CNTN3: variants seen among roughly 807,000 people sequenced by gnomAD.
CNTN3 encodes the protein contactin 3.
In CNTN3, 60 loss-of-function variants were observed where a neutral mutation model predicts 119.1. The ratio of observed to expected loss-of-function variants is 0.50; its 90% CI spans 0.41 to 0.62. The LOEUF (loss-of-function observed/expected upper bound fraction) is 0.62, where lower values mean the gene tolerates loss of function less well. Ranked by LOEUF, CNTN3 falls within the 20% of genes least tolerant of loss-of-function variation. The pLI is 0.00. For missense variants in CNTN3, 1,101 were observed against 1,242.4 expected, an observed-to-expected ratio of 0.89 and a Z score of 1.71; for synonymous variants, 450 against 438.7, an observed-to-expected ratio of 1.03 and a Z score of -0.32.
At chr3:74,454,795 T>A (rs534371639) in intron 4 of CNTN3, among the ~76,000 whole-genome samples, 23 of 152,248 alleles carry the variant, frequency 1.5e-4, no homozygotes, top group African/African-American at 5.3e-4. Flanking sequence ...GGATATGAAA[T>A]TCTGGGTTGA....
At chr3:74,341,009 C>G (rs996220567) in intron 11 of CNTN3, among the ~76,000 whole-genome samples, 26 of 152,124 alleles carry the variant, frequency 1.7e-4, no homozygotes, top group African/African-American at 6.3e-4. Context: ...AAGCAAACTT[C>G]AAGTCAAGCA....
chr3:74,606,870 A>T (rs1028201745), intron 1 of CNTN3, among the ~76,000 whole-genome samples: 1 of 152,164 alleles, frequency 6.6e-6, no homozygotes, highest in Admixed American at 6.5e-5. Context: ...ACTTAATTTC[A>T]CAGGGCAACT....
chr3:74,547,706 C>T (rs1399104120), intron 1 of CNTN3, among the ~76,000 whole-genome samples: 6 of 152,106 alleles, frequency 3.9e-5, no homozygotes, highest in Non-Finnish European at 8.8e-5. Flanking sequence ...TATTTGTACA[C>T]TATAGATATT....
rs903081145 is a variant in CNTN3 at position 74,522,421 on chromosome 3, T to C, written c.-80-1229A>G. Among the ~76,000 whole-genome samples the C allele has an allele frequency of 2.6e-5, 4 of 152,022 alleles. No individual in the cohort carries two copies. The East Asian group carries it at 7.8e-4, about 30-fold the overall frequency. The stretch of plus-strand genomic sequence containing the variant: ...CAGTAGTAACATTGACCTTTAACCT[T>C]CACTCAATATCCCCACTGCTGCAAA... On this transcript the variant is annotated intron_variant, in intron 1 of 22. Coordinates refer to ENST00000263665, the MANE Select transcript of CNTN3 (RefSeq NM_020872.3).
chr3:74,366,548 C>T (rs1704191793), intron 8 of CNTN3, among the ~76,000 whole-genome samples: 1 of 151,752 alleles, frequency 6.6e-6, no homozygotes, highest in Non-Finnish European at 1.5e-5. Flanking sequence ...TTGCATTATG[C>T]ATGTGATGTG....
At position 74,581,561 on chromosome 3, in the gene CNTN3, T is replaced by C. The variant is rs987912287; in HGVS notation, c.-81+32830A>G. On this transcript the variant is annotated intron_variant, in intron 1 of 22. Transcript: ENST00000263665. ...TGTCCATTCTCCCTAAATTGCCTTA[T>C]AGTTTCAATTCAATTCATTTCGAAC... is the stretch of plus-strand genomic sequence containing the variant. Among the ~76,000 whole-genome samples the C allele has an allele frequency of 5.9e-5, 9 of 152,310 alleles. No individual in the cohort carries two copies. In the South Asian group the frequency reaches 1.2e-3, roughly 21 times the overall value.
chr3:74,270,130 C>T (rs1255916355), intron 20 of CNTN3, among the ~76,000 whole-genome samples: 3 of 152,142 alleles, frequency 2.0e-5, no homozygotes, highest in African/African-American at 4.8e-5. Context: ...GAGGATTATG[C>T]TTCTCTGCCT....
At chr3:74,604,772 C>T (rs1704965431) in intron 1 of CNTN3, among the ~76,000 whole-genome samples, 1 of 151,958 alleles carries the variant, frequency 6.6e-6, no homozygotes. Flanking sequence ...AATATAACTA[C>T]CATAGGAACT....
intron 5 of CNTN3, among the ~76,000 whole-genome samples, chr3:74,417,963 T>C (rs1701551236): frequency 6.6e-6 from 1 of 152,174 alleles, no homozygotes; most frequent in South Asian, 2.1e-4. Context: ...ATAGGAGCAA[T>C]AAATAAGCAG....
chr3:74,492,071 C>T (rs1183631262), intron 3 of CNTN3, among the ~76,000 whole-genome samples: 1 of 152,172 alleles, frequency 6.6e-6, no homozygotes, highest in African/African-American at 2.4e-5. Flanking sequence ...AGATTAAACA[C>T]TGTTGCATAA....
chr3:74,532,288 A>C (rs1703704111), intron 1 of CNTN3, among the ~76,000 whole-genome samples: 1 of 151,920 alleles, frequency 6.6e-6, no homozygotes, highest in South Asian at 2.1e-4. Flanking sequence ...GCCATGATTA[A>C]TGGTTTTCAG....
rs142679921 is a variant in CNTN3, at chr3:74,611,504, T to C, written c.-81+2887A>G. On this transcript the variant is annotated intron_variant, in intron 1 of 22. Coordinates refer to ENST00000263665, the MANE Select transcript of CNTN3 (RefSeq NM_020872.3). ...GATGAGTGCAGGGGAGACTATAAGA[T>C]AAAAACCATTTACAACACTCGATCC... Among the ~76,000 whole-genome samples, 575 of 152,272 alleles carry C rather than the reference T, an allele frequency of 3.8e-3. 18 individuals carry two copies. Among genetic ancestry groups the C allele is most frequent in the Admixed American group, 0.029 (445 of 15,296 alleles).
intron 13 of CNTN3, among the ~76,000 whole-genome samples, chr3:74,306,147 T>C (rs927655899): frequency 2.0e-5 from 3 of 150,856 alleles, no homozygotes; most frequent in Non-Finnish European, 4.4e-5. Context: ...CCCCATCAAT[T>C]TGTCATTGTT....
intron 1 of CNTN3, among the ~76,000 whole-genome samples, chr3:74,606,190 G>A (rs1345176): frequency 0.22 from 33,545 of 151,958 alleles, 6,229 homozygotes; most frequent in African/African-American, 0.5. Context: ...AGAGGGAGAC[G>A]GATACAGAGA....
intron 1 of CNTN3, among the ~76,000 whole-genome samples, chr3:74,578,750 A>G (rs1197713849): frequency 6.6e-6 from 1 of 152,124 alleles, no homozygotes; most frequent in Non-Finnish European, 1.5e-5. Flanking sequence ...AACCCTGTGA[A>G]TTCGTCCCTT....
At chr3:74,473,182 GAA>G (rs899761495) in intron 4 of CNTN3, among the ~76,000 whole-genome samples, 1 of 138,618 alleles carries the variant, frequency 7.2e-6, no homozygotes, top group Admixed American at 7.2e-5. Context: ...ACAGAAAAGC[GAA>G]AAAAAAAAAC....
At chr3:74,517,469 C>A (rs1455048802) in intron 2 of CNTN3, among the ~76,000 whole-genome samples, 1 of 151,826 alleles carries the variant, frequency 6.6e-6, no homozygotes, top group Admixed American at 6.6e-5. Flanking sequence ...ACACTAACAC[C>A]CATATTGTGC....
intron 13 of CNTN3, among the ~76,000 whole-genome samples, chr3:74,312,455 C>CAAAA (rs745514119): frequency 0.026 from 736 of 27,788 alleles, 166 homozygotes; most frequent in African/African-American, 0.089. Flanking sequence ...GACTCCATCT[C>CAAAA]AAAAAAAAAA....
Position 74,478,497 on chromosome 3 carries a change from C to T in CNTN3, c.358+7959G>A, listed in dbSNP as rs562968401. Among the ~76,000 whole-genome samples, 4 of 152,232 alleles carry T rather than the reference C, an allele frequency of 2.6e-5. No homozygotes were observed. In the South Asian group the frequency reaches 8.3e-4, roughly 32 times the overall value. On this transcript the variant is annotated intron_variant, in intron 4 of 22. Transcript: ENST00000263665. ...ATGCACACTGGATTCTGCAATCCCC[C>T]AAGGCCTCTTTTCTACTTAGCTCCC...
Sources: gnomAD v4.1 joint callset for allele counts (sites outside exome capture counted in the v4.1 genomes callset) on GRCh38, gnomAD v4.1.1 for gene constraint, MANE v1.5 for transcripts, NCBI Gene and HGNC (gene_info 2026-07-23, HGNC 2026-07-21) for gene names.